Variants in KCNQ2 observed in about 807,000 individuals in gnomAD.
KCNQ2 encodes potassium voltage-gated channel subfamily Q member 2, also known as potassium voltage-gated channel subfamily KQT member 2.
Under a neutral mutation model 84.8 loss-of-function variants are expected in KCNQ2, and 14 were observed. That is an observed-to-expected ratio of 0.17 (90% CI 0.11 to 0.26). The LOEUF is 0.26. Among genes scored for constraint, KCNQ2 ranks in the 10% least tolerant of loss-of-function variants. The probability of loss-of-function intolerance (pLI) is 1.00; values close to 1 mark genes in which losing one functional copy is unlikely to be tolerated. For missense variants in KCNQ2, 788 were observed against 1,254.0 expected, an observed-to-expected ratio of 0.63 and a Z score of 5.61; for synonymous variants, 599 against 554.1, an observed-to-expected ratio of 1.08 and a Z score of -1.14.
chr20:63,432,512 A>C (rs371120131), intron 8 of KCNQ2, among the ~76,000 whole-genome samples: 235 of 65,488 alleles, frequency 3.6e-3, no homozygotes, highest in South Asian at 6.9e-3. Flanking sequence ...TCAGGGAAGG[A>C]TCCACCCACA....
Position 63,446,674 on chromosome 20 carries a change from CG to C in KCNQ2, c.387+72del. ...GTCAGAGGCCCTGTAGTAACAGGAA[CG>C]GAAGACAGACGCCCAGGCAGCTCCA... On this transcript the variant is annotated intron_variant, in intron 2 of 16. Transcript: ENST00000359125. This position sits in a 1 kb window ranked among gnomAD's most constrained non-coding sequence, Gnocchi z 5.5. 7.8e-7 allele frequency: 1 copy of C among 1,285,176 alleles called. No individual in the cohort carries two copies. Among genetic ancestry groups the C allele is most frequent in the African/African-American group, 1.5e-5 (1 of 68,236 alleles). 79.6% of individuals were successfully genotyped at this position (1,285,176 alleles called of 1,614,324 possible). A position where few individuals can be genotyped will look rare whatever the true frequency, so the allele number is the denominator to read the frequency against.
intron 8 of KCNQ2, among the ~76,000 whole-genome samples, chr20:63,433,048 C>T (rs2080877265): frequency 6.6e-6 from 1 of 152,202 alleles, no homozygotes; most frequent in African/African-American, 2.4e-5. Context: ...GGGTCAGGCC[C>T]GCGTGGACCA....
Position 63,406,617 on chromosome 20 carries a change from G to T in KCNQ2, c.*27C>A. 1 of 1,570,566 alleles carries T rather than the reference G, an allele frequency of 6.4e-7. No homozygotes were observed. Among genetic ancestry groups the T allele is most frequent in the East Asian group, 2.3e-5 (1 of 43,728 alleles). On this transcript the variant is annotated 3_prime_UTR_variant, in exon 17 of 17. Transcript: ENST00000359125. ...GAGGCACCGTGCTGAGGAGGGCCGC[G>T]GGCGGGTCCACTGGCCCAGCGCCGC...
Position 63,438,373 on chromosome 20 carries a change from C to T in KCNQ2, c.1023+252G>A. 1.7e-6 allele frequency: 1 copy of T among 586,248 alleles called. No homozygotes were observed. The highest frequency in any genetic ancestry group is 2.0e-5 in the South Asian group (1 of 51,160). The allele number at this position is 586,248 out of a possible 1,614,324, so 36.3% of individuals were successfully genotyped here. ...GGTAGAGAGGACCTGATGGCCGGGC[C>T]CCAGCACCCACACAAGGCAAGGGCC... On this transcript the variant is annotated intron_variant, in intron 7 of 16. Coordinates refer to ENST00000359125, the MANE Select transcript of KCNQ2 (RefSeq NM_172107.4). This position sits in a 1 kb window ranked among gnomAD's most constrained non-coding sequence, Gnocchi z 5.1.
intron 1 of KCNQ2, among the ~76,000 whole-genome samples, chr20:63,448,808 G>C (rs897157538): frequency 6.6e-6 from 1 of 152,204 alleles, no homozygotes; most frequent in Non-Finnish European, 1.5e-5. Context: ...GCTGGGCCGG[G>C]GCACTGGCCA....
intron 1 of KCNQ2, among the ~76,000 whole-genome samples, chr20:63,448,858 T>C (rs1351044554): frequency 6.6e-6 from 1 of 151,962 alleles, no homozygotes; most frequent in Non-Finnish European, 1.5e-5. Flanking sequence ...TCCAGACTGG[T>C]CACGCCCCCT....
At chr20:63,462,280 T>G (rs1318732752) in intron 1 of KCNQ2, among the ~76,000 whole-genome samples, 2 of 124,270 alleles carry the variant, frequency 1.6e-5, no homozygotes, top group African/African-American at 3.4e-5. Context: ...GGGAGGAGGC[T>G]GCACCTACCC....
At chr20:63,421,338 C>T (rs1383883138) in intron 11 of KCNQ2, among the ~76,000 whole-genome samples, 1 of 152,224 alleles carries the variant, frequency 6.6e-6, no homozygotes, top group Non-Finnish European at 1.5e-5. Context: ...TTTTAACAGC[C>T]ACATGTGGCT....
rs1386161662 is a variant in KCNQ2 at position 63,408,330 on chromosome 20, C to A, written c.1887+83G>T. 13 of 1,551,144 alleles carry A rather than the reference C, an allele frequency of 8.4e-6. No homozygotes were observed. Among genetic ancestry groups the A allele is most frequent in the Non-Finnish European group, 1.1e-5 (13 of 1,141,164 alleles). On this transcript the variant is annotated intron_variant, in intron 16 of 16. Coordinates refer to ENST00000359125, the MANE Select transcript of KCNQ2 (RefSeq NM_172107.4). This position sits in a 1 kb window ranked among gnomAD's most constrained non-coding sequence, Gnocchi z 5.0. The stretch of plus-strand genomic sequence containing the variant: ...TTGAGGAGCCCTCCGTGGCACCCAG[C>A]CCCTGAAGCCCACACTGCCACAGGT...
At chr20:63,420,121 C>T (rs1357332003) in intron 11 of KCNQ2, among the ~76,000 whole-genome samples, 2 of 152,180 alleles carry the variant, frequency 1.3e-5, no homozygotes, top group Non-Finnish European at 2.9e-5. Context: ...AACCAATCGG[C>T]GACGTTTGGC....
intron 1 of KCNQ2, among the ~76,000 whole-genome samples, chr20:63,464,060 G>A (rs972907646): frequency 1.3e-5 from 2 of 152,146 alleles, no homozygotes; most frequent in African/African-American, 4.8e-5. Context: ...CCAAAAAAAT[G>A]AAAGACCTAA....
At chr20:63,452,121 T>C (rs1472332149) in intron 1 of KCNQ2, among the ~76,000 whole-genome samples, 1 of 152,200 alleles carries the variant, frequency 6.6e-6, no homozygotes, top group Non-Finnish European at 1.5e-5. Flanking sequence ...CGGCAGAAAC[T>C]GTGCCTGTGA....
At chr20:63,456,152 TCCGGGAGACCCCTCTGC>T (rs1271936702) in intron 1 of KCNQ2, among the ~76,000 whole-genome samples, 8 of 92,902 alleles carry the variant, frequency 8.6e-5, no homozygotes, top group African/African-American at 3.4e-4. Context: ...GCCCCCCACC[TCCGGGAGACCCCTCTGC>T]TCATGGGCCC....
At position 63,438,631 on chromosome 20, in the gene KCNQ2, C is replaced by G; in HGVS notation, c.1017G>C (p.Leu339=). 2 of 1,613,652 alleles carry G rather than the reference C, an allele frequency of 1.2e-6. No homozygotes were observed. The highest frequency in any genetic ancestry group is 1.7e-6 in the Non-Finnish European group (2 of 1,179,928). The part of the protein sequence containing the change: ...FEKRRNPAAG[L]IQSAWRFYAT... Reference sequence around the variant, plus strand: ...GGGGGACACCTGGACTCACCTGGATCAGGCCTGCTGCCGGGTTCCGCCTCT... The same window carrying G: ...GGGGGACACCTGGACTCACCTGGATGAGGCCTGCTGCCGGGTTCCGCCTCT... The change falls in exon 7 of 17, where the codon CTG becomes CTC. Residue 339 remains leucine, a synonymous_variant. Coordinates refer to ENST00000359125, the MANE Select transcript of KCNQ2 (RefSeq NM_172107.4). The surrounding 1 kb of genome is among the most constrained non-coding windows in gnomAD (Gnocchi z 5.1).
rs1341005847 is a variant in KCNQ2, at chr20:63,414,958, G to A, written c.1470C>T (p.Ser490=). 6.2e-7 allele frequency: 1 copy of A among 1,612,516 alleles called. No homozygotes were observed. The highest frequency in any genetic ancestry group is 8.5e-7 in the Non-Finnish European group (1 of 1,179,974). Reference sequence around the variant, plus strand: ...TGATGCGGAAAGCCTGGCGTGCCCGGCTGCGGTCCCCGAAGCTCCAGCTCT... The same window carrying A: ...TGATGCGGAAAGCCTGGCGTGCCCGACTGCGGTCCCCGAAGCTCCAGCTCT... ...VPKSWSFGDR[S]RARQAFRIKG... Residue 490 remains serine (S), a synonymous_variant, in exon 13 of 17, where the codon AGC becomes AGT. Coordinates refer to ENST00000359125, the MANE Select transcript of KCNQ2 (RefSeq NM_172107.4). The surrounding 1 kb of genome is among the most constrained non-coding windows in gnomAD (Gnocchi z 6.6).
rs56346120 is a variant in KCNQ2, at chr20:63,435,985, C to CTTT, written c.1024-2085_1024-2083dup. Among the ~76,000 whole-genome samples, 341 of 139,886 alleles carry CTTT rather than the reference C, an allele frequency of 2.4e-3. 1 individual carries two copies. The highest frequency in any genetic ancestry group is 7.7e-3 in the Middle Eastern group (2 of 260). 91.8% of individuals were successfully genotyped at this position (139,886 alleles called of 152,430 possible). A position where few individuals can be genotyped will look rare whatever the true frequency, so the allele number is the denominator to read the frequency against. Reference sequence around the variant, plus strand: ...AATACATTTGACATGTGTGTGGTTTCTTTTTTTTTTTTTTTGGTCGACAGA... The same window carrying CTTT: ...AATACATTTGACATGTGTGTGGTTTCTTTTTTTTTTTTTTTTTTGGTCGACAGA... On this transcript the variant is annotated intron_variant, in intron 7 of 16. Transcript: ENST00000359125.
At chr20:63,420,390 G>T (rs1032661723) in intron 11 of KCNQ2, among the ~76,000 whole-genome samples, 10 of 152,244 alleles carry the variant, frequency 6.6e-5, no homozygotes, top group African/African-American at 2.4e-4. Context: ...GCATCACAAT[G>T]TGCAAATGAT....
intron 1 of KCNQ2, among the ~76,000 whole-genome samples, chr20:63,457,400 C>A (rs527951353): frequency 1.3e-5 from 2 of 152,244 alleles, no homozygotes; most frequent in South Asian, 4.1e-4. Flanking sequence ...TGGACCCTGA[C>A]AGGACACAGG....
rs1037508464 is a variant in KCNQ2, at chr20:63,472,637, C to T, written c.-174G>A. 3 of 276,874 alleles carry T rather than the reference C, an allele frequency of 1.1e-5. No individual in the cohort carries two copies. The highest frequency in any genetic ancestry group is 1.6e-5 in the Non-Finnish European group (3 of 186,088). 17.2% of individuals were successfully genotyped at this position (276,874 alleles called of 1,614,324 possible). A position where few individuals can be genotyped will look rare whatever the true frequency, so the allele number is the denominator to read the frequency against. The stretch of plus-strand genomic sequence containing the variant: ...CGGAGACGCTGCGGCCACCTCGCTC[C>T]GCGCGCACCTCGGCGCCTGGCCCGC... On this transcript the variant is annotated 5_prime_UTR_variant, in exon 1 of 17. Transcript: ENST00000359125.
Sources: gnomAD v4.1 joint callset for allele counts (sites outside exome capture counted in the v4.1 genomes callset) on GRCh38, gnomAD v4.1.1 for gene constraint, Gnocchi (gnomAD v3.1) non-coding constraint, MANE v1.5 for transcripts, NCBI Gene and HGNC (gene_info 2026-07-23, HGNC 2026-07-21) for gene names.